Variants in SDK1 observed in about 807,000 individuals in gnomAD.
SDK1 encodes protein sidekick-1.
A neutral mutation model predicts 245.5 loss-of-function variants in SDK1; 157 were observed. The observed-to-expected ratio is 0.64, with a 90% CI of 0.56 to 0.73. The LOEUF is 0.73. SDK1 is among the 30% of genes least tolerant of loss of function. The pLI is 0.00. For missense variants in SDK1, 3,583 were observed against 3,002.3 expected (o/e 1.19, Z -4.52); for synonymous variants, 1,647 against 1,278.5 (o/e 1.29, Z -6.15).
chr7:4,166,227 C>T (rs1441189830), intron 32 of SDK1, among the ~76,000 whole-genome samples: 5 of 152,230 alleles, frequency 3.3e-5, no homozygotes, highest in Admixed American at 6.5e-5. Flanking sequence ...GGAGGCATCC[C>T]GCCGCTTCAG....
intron 1 of SDK1, among the ~76,000 whole-genome samples, chr7:3,359,333 T>C (rs1039769768): frequency 6.6e-6 from 1 of 152,202 alleles, no homozygotes; most frequent in Admixed American, 6.5e-5. Context: ...TCCTCCATGC[T>C]ACCCACTTGC....
intron 1 of SDK1, among the ~76,000 whole-genome samples, chr7:3,586,704 CAAAAA>C (rs57309941): frequency 5.4e-4 from 44 of 82,184 alleles, no homozygotes; most frequent in South Asian, 3.6e-3. Flanking sequence ...GACTCCGTCT[CAAAAA>C]AAAAAAAAAA....
At chr7:4,230,495 G>A (rs1329687479) in intron 40 of SDK1, among the ~76,000 whole-genome samples, 1 of 149,956 alleles carries the variant, frequency 6.7e-6, no homozygotes, top group Non-Finnish European at 1.5e-5. Flanking sequence ...GGGAGGGAAG[G>A]AAGGAAAGAA....
At chr7:3,352,304 G>T (rs1233223923) in intron 1 of SDK1, among the ~76,000 whole-genome samples, 4 of 151,814 alleles carry the variant, frequency 2.6e-5, no homozygotes, top group Admixed American at 6.6e-5. Flanking sequence ...ACGTTCCAGA[G>T]ATCCCCAATA....
At chr7:4,031,721 A>T (rs888685564) in intron 17 of SDK1, among the ~76,000 whole-genome samples, 14 of 150,822 alleles carry the variant, frequency 9.3e-5, no homozygotes, top group African/African-American at 3.1e-4. Context: ...TTTATTGATT[A>T]TATCAATAAA....
intron 5 of SDK1, among the ~76,000 whole-genome samples, chr7:3,883,633 A>G (rs531106112): frequency 6.6e-6 from 1 of 152,162 alleles, no homozygotes; most frequent in Non-Finnish European, 1.5e-5. Flanking sequence ...GAAGAAATCA[A>G]AACTGTGCCA....
chr7:4,078,262 C>G (rs1454001829), intron 21 of SDK1, among the ~76,000 whole-genome samples: 1 of 152,122 alleles, frequency 6.6e-6, no homozygotes, highest in Non-Finnish European at 1.5e-5. Flanking sequence ...TGGCTGGAGG[C>G]AAATCAAATG....
chr7:3,583,083 C>T (rs776026925), intron 1 of SDK1, among the ~76,000 whole-genome samples: 2 of 152,146 alleles, frequency 1.3e-5, no homozygotes, highest in African/African-American at 4.8e-5. Flanking sequence ...AGCATTTGGA[C>T]AAGGAAACTG....
At chr7:4,207,175 G>GGGCGGGTGTGCGA (rs1258117885) in intron 36 of SDK1, among the ~76,000 whole-genome samples, 4 of 152,178 alleles carry the variant, frequency 2.6e-5, no homozygotes, top group Non-Finnish European at 5.9e-5. Context: ...AGAGCAAGGC[G>GGGCGGGTGTGCGA]GGCGGGTGTG....
rs1341863884 is a variant in SDK1 at position 3,497,472 on chromosome 7, C to T, written c.299-121608C>T. On this transcript the variant is annotated intron_variant, in intron 1 of 44. Coordinates refer to ENST00000404826, the MANE Select transcript of SDK1 (RefSeq NM_152744.4). ...TATGAAAGTGCTATGTGTAGCTTTC[C>T]AGTCATTGCTATTCGAGAGTGAGTT... Among the ~76,000 whole-genome samples, 6 of 152,266 alleles carry T rather than the reference C, an allele frequency of 3.9e-5. No individual in the cohort carries two copies. In the East Asian group the frequency reaches 1.2e-3, roughly 29 times the overall value.
intron 1 of SDK1, among the ~76,000 whole-genome samples, chr7:3,361,559 T>A (rs1419662374): frequency 1.3e-5 from 2 of 152,228 alleles, no homozygotes; most frequent in East Asian, 1.9e-4. Flanking sequence ...TATATTTAAA[T>A]CTACAATTTT....
At chr7:3,420,600 T>A (rs1779509163) in intron 1 of SDK1, among the ~76,000 whole-genome samples, 1 of 152,198 alleles carries the variant, frequency 6.6e-6, no homozygotes, top group Non-Finnish European at 1.5e-5. Flanking sequence ...GGGATTTACT[T>A]TGTCTTTTAC....
At chr7:4,090,786 C>T (rs1232552948) in intron 22 of SDK1, among the ~76,000 whole-genome samples, 3 of 152,146 alleles carry the variant, frequency 2.0e-5, no homozygotes, top group Non-Finnish European at 4.4e-5. Context: ...AGGAAATGTA[C>T]ATATATCTAT....
chr7:3,638,626 G>A (rs1454323891), intron 2 of SDK1, among the ~76,000 whole-genome samples: 3 of 121,408 alleles, frequency 2.5e-5, no homozygotes, highest in Non-Finnish European at 4.9e-5. Context: ...ACACACCGGG[G>A]CCTGTTGTGG....
At chr7:3,393,171 C>T (rs866340465) in intron 1 of SDK1, among the ~76,000 whole-genome samples, 57 of 151,794 alleles carry the variant, frequency 3.8e-4, no homozygotes, top group African/African-American at 1.2e-3. Flanking sequence ...GGGGTTTCAT[C>T]ATGTTGGCCA....
chr7:4,081,598 T>C (rs1211074309), intron 22 of SDK1, among the ~76,000 whole-genome samples: 6 of 152,036 alleles, frequency 3.9e-5, no homozygotes, highest in Admixed American at 3.9e-4. Context: ...TTTTTGTATT[T>C]TAGTAGAGAC....
chr7:3,788,667 G>C (rs1780985707), intron 4 of SDK1, among the ~76,000 whole-genome samples: 1 of 152,098 alleles, frequency 6.6e-6, no homozygotes, highest in African/African-American at 2.4e-5. Flanking sequence ...TGATGTGCTA[G>C]GAAAAAAATC....
At chr7:3,833,292 T>C (rs1779955271) in intron 5 of SDK1, among the ~76,000 whole-genome samples, 1 of 152,202 alleles carries the variant, frequency 6.6e-6, no homozygotes, top group Admixed American at 6.5e-5. Flanking sequence ...GCTGTTTCAC[T>C]GATGATGTAT....
chr7:3,490,536 A>AT (rs1412406883), intron 1 of SDK1, among the ~76,000 whole-genome samples: 3 of 152,266 alleles, frequency 2.0e-5, no homozygotes, highest in South Asian at 2.1e-4. Context: ...TAAACATCTT[A>AT]TTTTTTGTGT....
Sources: gnomAD v4.1 joint callset for allele counts (sites outside exome capture counted in the v4.1 genomes callset) on GRCh38, gnomAD v4.1.1 for gene constraint, MANE v1.5 for transcripts, NCBI Gene and HGNC (gene_info 2026-07-23, HGNC 2026-07-21) for gene names.